The following TMEFF1 variants were observed in gnomAD, a reference collection of about 807,000 sequenced individuals.
TMEFF1 encodes the protein tomoregulin-1.
Under a neutral mutation model 47.5 loss-of-function variants are expected in TMEFF1, and 20 were observed. The ratio of observed to expected loss-of-function variants is 0.42; its 90% confidence interval spans 0.30 to 0.61. The LOEUF is 0.61. Ranked by LOEUF, TMEFF1 falls within the 20% of genes least tolerant of loss-of-function variation. The pLI is 0.19. For synonymous variants in TMEFF1, 162 were observed against 166.3 expected (o/e 0.97, Z 0.20); for missense variants, 411 against 471.1 (o/e 0.87, Z 1.18).
At chr9:100,539,620 C>A (rs1256747629) in intron 5 of TMEFF1, among the ~76,000 whole-genome samples, 1 of 151,948 alleles carries the variant, frequency 6.6e-6, no homozygotes, top group East Asian at 1.9e-4. Flanking sequence ...TGCAGACCTT[C>A]GCGGTGAGTG....
At chr9:100,544,298 G>A (rs1423161272) in intron 5 of TMEFF1, among the ~76,000 whole-genome samples, 1 of 152,128 alleles carries the variant, frequency 6.6e-6, no homozygotes, top group Non-Finnish European at 1.5e-5. Flanking sequence ...GGTTTAATTG[G>A]ATTCACAGTT....
chr9:100,547,339 G>T (rs190738510), intron 5 of TMEFF1, among the ~76,000 whole-genome samples: 1 of 152,170 alleles, frequency 6.6e-6, no homozygotes. Flanking sequence ...CCATTTTACT[G>T]ATCAGTAAAC....
At chr9:100,493,077 C>T (rs1345664824) in intron 1 of TMEFF1, among the ~76,000 whole-genome samples, 2 of 151,904 alleles carry the variant, frequency 1.3e-5, no homozygotes, top group Non-Finnish European at 2.9e-5. Context: ...GCCCCCTTCC[C>T]CCCTCTCCCC....
At chr9:100,476,029 C>G (rs977289632) in intron 1 of TMEFF1, among the ~76,000 whole-genome samples, 2 of 151,590 alleles carry the variant, frequency 1.3e-5, no homozygotes, top group African/African-American at 4.8e-5. Flanking sequence ...AGTTTCCATT[C>G]CTTTTAAAAA....
chr9:100,550,063 T>C (rs774578339), intron 6 of TMEFF1, 32 bp from the exon 7 acceptor site: 1 of 1,595,212 alleles, frequency 6.3e-7, no homozygotes, highest in South Asian at 1.1e-5. Context: ...CCATTGTATA[T>C]ATTTTAATTT....
chr9:100,545,332 C>G (rs1471155983), intron 5 of TMEFF1, among the ~76,000 whole-genome samples: 1 of 152,228 alleles, frequency 6.6e-6, no homozygotes, highest in Non-Finnish European at 1.5e-5. Flanking sequence ...CTTGACTTCT[C>G]TGTACCTGCA....
At chr9:100,550,495 G>A (rs1006449283) in intron 7 of TMEFF1, among the ~76,000 whole-genome samples, 2 of 152,092 alleles carry the variant, frequency 1.3e-5, no homozygotes, top group Non-Finnish European at 2.9e-5. Context: ...ACACTTGCCC[G>A]ATGCCCAGGT....
chr9:100,544,238 C>T (rs923591795), intron 5 of TMEFF1, among the ~76,000 whole-genome samples: 2 of 152,020 alleles, frequency 1.3e-5, no homozygotes, highest in African/African-American at 4.8e-5. Flanking sequence ...AGTCTGTTTT[C>T]ACACTGCTGA....
At chr9:100,490,813 T>A (rs1246664756) in intron 1 of TMEFF1, among the ~76,000 whole-genome samples, 2 of 151,364 alleles carry the variant, frequency 1.3e-5, no homozygotes, top group African/African-American at 4.9e-5. Flanking sequence ...TGTTTATTCC[T>A]GGCTGGATTA....
At position 100,539,331 on chromosome 9, in the gene TMEFF1, G is replaced by A. The variant is rs1407318210; in HGVS notation, c.561-8413G>A. 3.3e-5 allele frequency among the ~76,000 whole-genome samples: 5 copies of A among 152,300 alleles called. No individual in the cohort carries two copies. The East Asian group carries it at 5.8e-4, about 18-fold the overall frequency. Reference sequence around the variant, plus strand: ...CCCAGTAAGCTTTCCTACTGTGTCCGGAATTGGTGGGTTTTTGGTCTCACC... The same window carrying A: ...CCCAGTAAGCTTTCCTACTGTGTCCAGAATTGGTGGGTTTTTGGTCTCACC... On this transcript the variant is annotated intron_variant, in intron 5 of 9. Coordinates refer to ENST00000374879, the MANE Select transcript of TMEFF1 (RefSeq NM_003692.5).
chr9:100,477,784 G>A (rs1270729709), intron 1 of TMEFF1, among the ~76,000 whole-genome samples: 1 of 151,678 alleles, frequency 6.6e-6, no homozygotes, highest in East Asian at 1.9e-4. Context: ...ACACCACCAC[G>A]CCCGGCTAAT....
intron 3 of TMEFF1, among the ~76,000 whole-genome samples, chr9:100,511,546 G>C (rs894104118): frequency 2.0e-5 from 3 of 152,042 alleles, no homozygotes; most frequent in South Asian, 2.1e-4. Context: ...TATGTTATTT[G>C]GTCTTTTGTG....
At chr9:100,478,710 A>G (rs1837282313) in intron 1 of TMEFF1, among the ~76,000 whole-genome samples, 1 of 139,508 alleles carries the variant, frequency 7.2e-6, no homozygotes, top group Admixed American at 7.0e-5. Flanking sequence ...TTGGAAATAC[A>G]TGACATATGT....
intron 9 of TMEFF1, among the ~76,000 whole-genome samples, chr9:100,574,470 C>T (rs557922794): frequency 2.2e-4 from 34 of 152,236 alleles, no homozygotes; most frequent in South Asian, 4.2e-4. Context: ...TTGCAACCTC[C>T]ACCTCCTGGG....
chr9:100,533,529 C>A (rs1202569494), intron 5 of TMEFF1, among the ~76,000 whole-genome samples: 1 of 152,082 alleles, frequency 6.6e-6, no homozygotes, highest in Admixed American at 6.5e-5. Context: ...AAAAAGCCTG[C>A]AGAAAAGCTT....
chr9:100,495,898 T>G (rs1837642338), intron 1 of TMEFF1, among the ~76,000 whole-genome samples: 3 of 152,226 alleles, frequency 2.0e-5, no homozygotes, highest in Non-Finnish European at 2.9e-5. Flanking sequence ...CCTGTGCTGT[T>G]TGCTGCCTCT....
intron 5 of TMEFF1, among the ~76,000 whole-genome samples, chr9:100,547,095 G>A (rs564056371): frequency 2.8e-4 from 43 of 152,092 alleles, no homozygotes; most frequent in Non-Finnish European, 5.3e-4. Context: ...GGCTCACTGC[G>A]GCCTCAACCT....
intron 5 of TMEFF1, among the ~76,000 whole-genome samples, chr9:100,533,622 A>T (rs1221110962): frequency 6.6e-6 from 1 of 151,474 alleles, no homozygotes; most frequent in Non-Finnish European, 1.5e-5. Flanking sequence ...TTCTGTTGTT[A>T]TATATTTTCC....
chr9:100,527,425 C>T (rs1193584439), intron 5 of TMEFF1, among the ~76,000 whole-genome samples: 1 of 152,316 alleles, frequency 6.6e-6, no homozygotes, highest in African/African-American at 2.4e-5. Flanking sequence ...TTGCCTCACT[C>T]GGGAAGTGCA....
Sources: allele counts gnomAD v4.1 joint callset (sites outside exome capture counted in the v4.1 genomes callset), GRCh38; gene constraint gnomAD v4.1.1; transcripts MANE v1.5; gene names NCBI Gene and HGNC (gene_info 2026-07-23, HGNC 2026-07-21).